Variants in FLI1 observed in about 807,000 individuals in gnomAD.
FLI1 encodes Friend leukemia integration 1 transcription factor.
A neutral mutation model predicts 53.1 loss-of-function variants in FLI1; 13 were observed. The ratio of observed to expected loss-of-function variants is 0.24; its 90% CI spans 0.16 to 0.39. FLI1 has a LOEUF of 0.39. Ranked by LOEUF, FLI1 falls within the 10% of genes least tolerant of loss-of-function variation. FLI1 has a pLI of 1.00. For missense variants in FLI1, 424 were observed against 600.5 expected (o/e 0.71, Z 3.07); for synonymous variants, 244 against 236.7 (o/e 1.03, Z -0.28).
intron 2 of FLI1, among the ~76,000 whole-genome samples, chr11:128,762,660 T>C (rs561079): frequency 0.38 from 57,520 of 152,088 alleles, 11,133 homozygotes; most frequent in East Asian, 0.6. Context: ...CTAGTAAATT[T>C]AAAATTATGT....
rs1185653133 is a variant in FLI1 at position 128,812,463 on chromosome 11, G to A, written c.*1475G>A. ...TTTACCGCCCCCGTTAGGTCAAAGG[G>A]TTTTCCCTGGGGAACTTTCCTATTT... is the stretch of plus-strand genomic sequence containing the variant. On this transcript the variant is annotated 3_prime_UTR_variant, in exon 9 of 9. Coordinates refer to ENST00000527786, the MANE Select transcript of FLI1 (RefSeq NM_002017.5). 1 of 225,506 alleles carries A rather than the reference G, an allele frequency of 4.4e-6. No individual in the cohort carries two copies. The highest frequency in any genetic ancestry group is 5.7e-5 in the Admixed American group (1 of 17,574). The allele number at this position is 225,506 out of a possible 1,614,324, so 14.0% of individuals were successfully genotyped here.
At chr11:128,788,729 A>G (rs1291828694) in intron 5 of FLI1, among the ~76,000 whole-genome samples, 4 of 152,190 alleles carry the variant, frequency 2.6e-5, no homozygotes, top group African/African-American at 9.7e-5. Context: ...ATATACAATT[A>G]TTCCTATGTA....
At chr11:128,729,657 G>T (rs554312677) in intron 1 of FLI1, among the ~76,000 whole-genome samples, 3 of 152,290 alleles carry the variant, frequency 2.0e-5, no homozygotes, top group Non-Finnish European at 4.4e-5. Flanking sequence ...CAGTCGTCAT[G>T]TACACTAAAT....
chr11:128,712,724 A>G lies in FLI1; in HGVS notation c.18+18448A>G, dbSNP rs138600230. ...AAAGACCCACCCCCAGAATTCAATC[A>G]TCTCCCACCAGGTCCCTCCCGCAAC... On this transcript the variant is annotated intron_variant, in intron 1 of 8. Coordinates refer to ENST00000527786, the MANE Select transcript of FLI1 (RefSeq NM_002017.5). Among the ~76,000 whole-genome samples the G allele has an allele frequency of 4.1e-4, 62 of 152,280 alleles. 1 individual carries two copies. Among genetic ancestry groups the G allele is most frequent in the African/African-American group, 1.4e-3 (58 of 41,560 alleles).
intron 1 of FLI1, among the ~76,000 whole-genome samples, chr11:128,713,617 A>G (rs1783933): frequency 7.4e-6 from 1 of 135,252 alleles, no homozygotes; most frequent in Non-Finnish European, 1.5e-5. Context: ...TAGTCAAGGC[A>G]AAAAAAAAAA....
Position 128,694,085 on chromosome 11 carries a change from C to G in FLI1, c.-174C>G. The G allele has an allele frequency of 1.9e-6, 1 of 518,264 alleles. No homozygotes were observed. The highest frequency in any genetic ancestry group is 3.2e-6 in the Non-Finnish European group (1 of 308,324). 32.1% of individuals were successfully genotyped at this position (518,264 alleles called of 1,614,324 possible). A position where few individuals can be genotyped will look rare whatever the true frequency, so the allele number is the denominator to read the frequency against. On this transcript the variant is annotated 5_prime_UTR_variant, in exon 1 of 9. Transcript: ENST00000527786. ...CCGGTTAACTGTCTCTTTCGCTCCGCTACAACAACAAACGTGCACAGGGGA... is the reference window on the plus strand; with the variant it reads ...CCGGTTAACTGTCTCTTTCGCTCCGGTACAACAACAAACGTGCACAGGGGA...
chr11:128,712,586 A>AG (rs1240904274), intron 1 of FLI1, among the ~76,000 whole-genome samples: 2 of 152,208 alleles, frequency 1.3e-5, no homozygotes, highest in Non-Finnish European at 2.9e-5. Context: ...TCATGGCGGA[A>AG]GGCAAGGAGG....
chr11:128,802,090 G>C (rs1448691509), intron 5 of FLI1, among the ~76,000 whole-genome samples: 1 of 152,134 alleles, frequency 6.6e-6, no homozygotes, highest in Non-Finnish European at 1.5e-5. Context: ...CATCCACTGA[G>C]GCCACCTCTG....
At chr11:128,776,526 C>A (rs1172547751) in intron 4 of FLI1, among the ~76,000 whole-genome samples, 3 of 152,172 alleles carry the variant, frequency 2.0e-5, no homozygotes, top group African/African-American at 7.2e-5. Context: ...TGGTGGGCGC[C>A]TGTAATCCTA....
chr11:128,781,414 A>G (rs1206926631), intron 4 of FLI1, among the ~76,000 whole-genome samples: 2 of 152,270 alleles, frequency 1.3e-5, no homozygotes, highest in Non-Finnish European at 2.9e-5. Context: ...AAAGTGGCCC[A>G]TGGACAAAGC....
intron 1 of FLI1, among the ~76,000 whole-genome samples, chr11:128,707,457 G>C (rs1938594803): frequency 6.6e-6 from 1 of 152,154 alleles, no homozygotes; most frequent in African/African-American, 2.4e-5. Flanking sequence ...GAGGGAGAAA[G>C]AGCAGGTGAC....
chr11:128,691,486 C>A (rs763330435), upstream of FLI1, among the ~76,000 whole-genome samples: 21 of 152,054 alleles, frequency 1.4e-4, no homozygotes, highest in Non-Finnish European at 2.4e-4. Context: ...GAGCTTCTCC[C>A]AGGGGGCTGA....
chr11:128,768,665 G>T (rs1381477885), intron 3 of FLI1: 2 of 156,942 alleles, frequency 1.3e-5, no homozygotes, highest in African/African-American at 5.0e-5. Flanking sequence ...CTCCAGCCTG[G>T]GTGATGGAAT....
At chr11:128,716,252 C>G (rs767580863) in intron 1 of FLI1, among the ~76,000 whole-genome samples, 6 of 152,130 alleles carry the variant, frequency 3.9e-5, no homozygotes, top group African/African-American at 1.4e-4. Flanking sequence ...CTCCCCACCC[C>G]CTCCAAGCCA....
intron 1 of FLI1, among the ~76,000 whole-genome samples, chr11:128,742,888 C>T (rs1262041603): frequency 3.9e-5 from 6 of 152,228 alleles, no homozygotes; most frequent in Non-Finnish European, 7.3e-5. Flanking sequence ...TACCTGAGAG[C>T]ATTTCTGGTT....
chr11:128,724,762 G>A (rs180685521), intron 1 of FLI1, among the ~76,000 whole-genome samples: 1 of 152,258 alleles, frequency 6.6e-6, no homozygotes, highest in East Asian at 1.9e-4. Flanking sequence ...AGGGTTTATG[G>A]AGGTAGAGAT....
intron 5 of FLI1, among the ~76,000 whole-genome samples, chr11:128,783,230 C>A (rs1341416156): frequency 6.6e-6 from 1 of 152,162 alleles, no homozygotes; most frequent in Non-Finnish European, 1.5e-5. Flanking sequence ...AGGGAAGGAC[C>A]ATTTGGCTTA....
rs368505169 is a variant in FLI1, at chr11:128,809,200, C to T, written c.825C>T (p.Asn275=). The change falls in exon 8 of 9, where the codon AAC becomes AAT. Residue 275 remains asparagine (N), a synonymous_variant. Transcript: ENST00000527786. ...GCCCGACCAGCAGTCGCCTAGCCAA[C>T]CCTGGTGAGTTTACCTTGGCCTGCA... is the stretch of plus-strand genomic sequence containing the variant. ...ILGPTSSRLA[N]PGSGQIQLWQ... is the part of the protein sequence containing the mutation. 1.1e-5 allele frequency: 18 copies of T among 1,613,706 alleles called. No homozygotes were observed. The highest frequency in any genetic ancestry group is 3.3e-5 in the Admixed American group (2 of 60,014).
chr11:128,781,871 C>G (rs538881511), intron 4 of FLI1, 87 bp from the exon 5 acceptor site: 1 of 1,036,670 alleles, frequency 9.6e-7, no homozygotes, highest in Non-Finnish European at 1.5e-6. Context: ...CCATCTCTTT[C>G]CCTTTCTACT....
Sources: gnomAD v4.1 joint callset for allele counts (sites outside exome capture counted in the v4.1 genomes callset) on GRCh38, gnomAD v4.1.1 for gene constraint, MANE v1.5 for transcripts, NCBI Gene and HGNC (gene_info 2026-07-23, HGNC 2026-07-21) for gene names.